Variants in DDX10 observed in about 807,000 individuals in gnomAD.
DDX10 encodes probable ATP-dependent RNA helicase DDX10.
A neutral mutation model predicts 104.3 loss-of-function variants in DDX10; 74 were observed. The observed-to-expected ratio is 0.71, with a 90% CI of 0.59 to 0.86. The LOEUF is 0.86. DDX10 is among the 40% of genes least tolerant of loss of function. The probability of loss-of-function intolerance (pLI) is 0.00; values close to 1 mark genes in which losing one functional copy is unlikely to be tolerated. For missense variants in DDX10, 952 were observed against 1,040.0 expected (o/e 0.92, Z 1.16); for synonymous variants, 351 against 353.4 (o/e 0.99, Z 0.08).
chr11:108,778,536 A>T (rs1196715729), intron 13 of DDX10, among the ~76,000 whole-genome samples: 1 of 152,218 alleles, frequency 6.6e-6, no homozygotes, highest in East Asian at 1.9e-4. Flanking sequence ...CTTATACAAA[A>T]ATTAATTCAA....
chr11:108,895,022 T>A (rs1863422476), intron 16 of DDX10, among the ~76,000 whole-genome samples: 1 of 151,954 alleles, frequency 6.6e-6, no homozygotes, highest in South Asian at 2.1e-4. Context: ...TTGGACAATT[T>A]CAAAATAAAA....
intron 13 of DDX10, among the ~76,000 whole-genome samples, chr11:108,800,275 CAAAA>C (rs5794604): frequency 2.8e-5 from 3 of 106,236 alleles, no homozygotes; most frequent in Non-Finnish European, 5.6e-5. Flanking sequence ...ACTAAAAATA[CAAAA>C]AAAAAAAAAA....
intron 16 of DDX10, among the ~76,000 whole-genome samples, chr11:108,854,124 T>G (rs1218456615): frequency 6.6e-6 from 1 of 152,206 alleles, no homozygotes; most frequent in Non-Finnish European, 1.5e-5. Context: ...AGGTTCAGGC[T>G]GACTGACAGA....
intron 5 of DDX10, 34 bp downstream of exon 5, chr11:108,678,469 A>G: frequency 1.3e-6 from 2 of 1,555,126 alleles, no homozygotes; most frequent in Non-Finnish European, 1.7e-6. Context: ...TAAAAAAAAA[A>G]AAAGCTCAGA....
At chr11:108,766,556 A>G (rs905756303) in intron 13 of DDX10, among the ~76,000 whole-genome samples, 5 of 152,220 alleles carry the variant, frequency 3.3e-5, no homozygotes, top group Non-Finnish European at 5.9e-5. Flanking sequence ...TCTCATTGTT[A>G]CTATTTAGAT....
chr11:108,903,326 G>C (rs922332844), intron 16 of DDX10, among the ~76,000 whole-genome samples: 15 of 152,040 alleles, frequency 9.9e-5, no homozygotes, highest in Non-Finnish European at 2.1e-4. Context: ...GGTCCTTTGC[G>C]ATGGGCTTCT....
chr11:108,739,533 G>T (rs1421787974), intron 13 of DDX10, among the ~76,000 whole-genome samples: 1 of 152,120 alleles, frequency 6.6e-6, no homozygotes, highest in Non-Finnish European at 1.5e-5. Context: ...TACCTCTCAG[G>T]TTTGCCTGTC....
At chr11:108,757,166 A>T (rs776524035) in intron 13 of DDX10, among the ~76,000 whole-genome samples, 1 of 151,912 alleles carries the variant, frequency 6.6e-6, no homozygotes, top group Non-Finnish European at 1.5e-5. Context: ...CAAATCATCA[A>T]CCTGTCTGCA....
intron 13 of DDX10, among the ~76,000 whole-genome samples, chr11:108,753,333 C>T (rs2094340821): frequency 6.6e-6 from 1 of 152,046 alleles, no homozygotes; most frequent in Admixed American, 6.6e-5. Flanking sequence ...AAATAAATAA[C>T]AGTCCTTTTA....
intron 16 of DDX10, among the ~76,000 whole-genome samples, chr11:108,908,317 T>C (rs1863623785): frequency 6.6e-6 from 1 of 152,226 alleles, no homozygotes; most frequent in African/African-American, 2.4e-5. Context: ...TACCTCACTT[T>C]TCTGTAAAAT....
chr11:108,748,450 G>A (rs115205971), intron 13 of DDX10, among the ~76,000 whole-genome samples: 1,524 of 152,266 alleles, frequency 0.01, 21 homozygotes, highest in African/African-American at 0.035. Context: ...TTATTGTAGA[G>A]CACCATATCC....
At chr11:108,788,044 T>C (rs1861819337) in intron 13 of DDX10, among the ~76,000 whole-genome samples, 1 of 152,254 alleles carries the variant, frequency 6.6e-6, no homozygotes, top group Non-Finnish European at 1.5e-5. Context: ...CTGGATTGTT[T>C]TACTGTATTC....
chr11:108,789,965 G>T (rs574304441), intron 13 of DDX10, among the ~76,000 whole-genome samples: 78 of 152,256 alleles, frequency 5.1e-4, no homozygotes, highest in African/African-American at 1.7e-3. Flanking sequence ...GAATAGCTGG[G>T]GAGGGGGACC....
At position 108,788,738 on chromosome 11, in the gene DDX10, A is replaced by G. The variant is rs534354475; in HGVS notation, c.1966-49708A>G. ...GTTTTGGTGGTGTATTTTGGGCTGC[A>G]ATCCAGTAGGTGGTGCTTCAGAATG... is the stretch of plus-strand genomic sequence containing the variant. On this transcript the variant is annotated intron_variant, in intron 13 of 17. Coordinates refer to ENST00000322536, the MANE Select transcript of DDX10 (RefSeq NM_004398.4). 3.3e-5 allele frequency among the ~76,000 whole-genome samples: 5 copies of G among 152,344 alleles called. No homozygotes were observed. The South Asian group carries it at 1.0e-3, about 32-fold the overall frequency.
intron 13 of DDX10, among the ~76,000 whole-genome samples, chr11:108,723,822 A>T (rs1173757207): frequency 6.6e-6 from 1 of 152,164 alleles, no homozygotes; most frequent in Non-Finnish European, 1.5e-5. Flanking sequence ...TTTCTGATTG[A>T]TTAAATTATA....
chr11:108,790,184 A>T (rs900103438), intron 13 of DDX10, among the ~76,000 whole-genome samples: 1 of 152,186 alleles, frequency 6.6e-6, no homozygotes, highest in African/African-American at 2.4e-5. Flanking sequence ...CCTACTCCAG[A>T]TGATGTAAGG....
chr11:108,676,479 T>A (rs1224199755), intron 3 of DDX10, among the ~76,000 whole-genome samples: 1 of 152,210 alleles, frequency 6.6e-6, no homozygotes, highest in Admixed American at 6.5e-5. Context: ...GAAGTCATGC[T>A]GTGTTGCCCA....
chr11:108,696,244 T>C (rs760092459), intron 9 of DDX10, among the ~76,000 whole-genome samples: 33 of 152,274 alleles, frequency 2.2e-4, no homozygotes, highest in Non-Finnish European at 4.3e-4. Flanking sequence ...TGGCACAATC[T>C]CAGCTCACTG....
intron 16 of DDX10, among the ~76,000 whole-genome samples, chr11:108,879,015 T>C (rs1052553304): frequency 1.3e-5 from 2 of 152,156 alleles, no homozygotes; most frequent in African/African-American, 4.8e-5. Context: ...TTTTTTTGTT[T>C]TGTTTTGGAG....
Sources: gnomAD v4.1 joint callset for allele counts (sites outside exome capture counted in the v4.1 genomes callset) on GRCh38, gnomAD v4.1.1 for gene constraint, MANE v1.5 for transcripts, NCBI Gene and HGNC (gene_info 2026-07-23, HGNC 2026-07-21) for gene names.